The following XKR7 variants were observed in gnomAD, a reference collection of about 807,000 sequenced individuals.
XKR7 encodes XK related 7.
Under a neutral mutation model 42.2 loss-of-function variants are expected in XKR7, and 11 were observed. The observed-to-expected ratio is 0.26, with a 90% CI of 0.16 to 0.43. The LOEUF is 0.43. Ranked by LOEUF, XKR7 falls within the 20% of genes least tolerant of loss-of-function variation. The pLI is 1.00. For synonymous variants in XKR7, 346 were observed against 366.4 expected, an observed-to-expected ratio of 0.94 and a Z score of 0.64; for missense variants, 710 against 802.2, an observed-to-expected ratio of 0.89 and a Z score of 1.39.
intron 1 of XKR7, among the ~76,000 whole-genome samples, chr20:31,975,935 G>A (rs2064482694): frequency 6.6e-6 from 1 of 152,214 alleles, no homozygotes; most frequent in Admixed American, 6.5e-5. Flanking sequence ...AGACTGCGAG[G>A]ATGAAGAAGA....
At chr20:31,996,392 C>A in intron 2 of XKR7, 113 bp from the exon 3 acceptor site, 2 of 731,486 alleles carry the variant, frequency 2.7e-6, no homozygotes, top group Non-Finnish European at 4.2e-6. Flanking sequence ...CAGCTCCTTT[C>A]CTCACGCCTC....
At position 31,995,381 on chromosome 20, in the gene XKR7, C is replaced by T; in HGVS notation, c.787+111C>T. 2 of 1,495,894 alleles carry T rather than the reference C, an allele frequency of 1.3e-6. No homozygotes were observed. The highest frequency in any genetic ancestry group is 1.8e-6 in the Non-Finnish European group (2 of 1,129,248). The allele number at this position is 1,495,894 out of a possible 1,614,324, so 92.7% of individuals were successfully genotyped here. Reference sequence around the variant, plus strand: ...GGCTTCCCCACCCCAGCTCAGGGCTCACTCAGTCAGGGTTTAGGGAGGCCT... The same window carrying T: ...GGCTTCCCCACCCCAGCTCAGGGCTTACTCAGTCAGGGTTTAGGGAGGCCT... On this transcript the variant is annotated intron_variant, in intron 2 of 2. Transcript: ENST00000562532. This position sits in a 1 kb window ranked among gnomAD's most constrained non-coding sequence, Gnocchi z 4.1.
intron 1 of XKR7, among the ~76,000 whole-genome samples, chr20:31,986,027 GA>G (rs2064537864): frequency 7.0e-6 from 1 of 141,930 alleles, no homozygotes; most frequent in Non-Finnish European, 1.5e-5. Context: ...CAGACAGACA[GA>G]CAGACTACCA....
chr20:31,972,096 A>C (rs1357175711), intron 1 of XKR7, among the ~76,000 whole-genome samples: 1 of 152,248 alleles, frequency 6.6e-6, no homozygotes, highest in Non-Finnish European at 1.5e-5. Context: ...AGATTTTATT[A>C]CTAATTTAAA....
chr20:31,968,728 G>A lies in XKR7; in HGVS notation c.553G>A (p.Val185Ile), dbSNP rs904060966. ...RLCIWLLQTL[V>I]HLLQLGQVWR... The stretch of plus-strand genomic sequence containing the variant: ...CTGCATCTGGCTGCTGCAGACCCTC[G>A]TCCACCTCCTGCAGCTCGGCCAGGT... The change falls in exon 1 of 3, where the codon GTC becomes ATC. Residue 185 changes from valine (V) to isoleucine (I), a missense_variant. Around this residue, in one of 2 missense-constraint regions of XKR7, gnomAD observed 708 missense variants for 786.2 expected, o/e 0.90. Coordinates refer to ENST00000562532, the MANE Select transcript of XKR7 (RefSeq NM_001011718.2). This position sits in a 1 kb window ranked among gnomAD's most constrained non-coding sequence, Gnocchi z 4.5. 1.9e-6 allele frequency: 3 copies of A among 1,551,200 alleles called. No homozygotes were observed. Among genetic ancestry groups the A allele is most frequent in the African/African-American group, 2.7e-5 (2 of 73,900 alleles).
chr20:31,992,059 G>C (rs1381181741), intron 1 of XKR7, among the ~76,000 whole-genome samples: 1 of 152,062 alleles, frequency 6.6e-6, no homozygotes, highest in Non-Finnish European at 1.5e-5. Flanking sequence ...GGAGGTTGTG[G>C]TGAGCCGAGA....
chr20:31,968,457 G>C lies in XKR7; in HGVS notation c.282G>C (p.Leu94Phe). ...AACACACCTACTTCAGCCTCACCTT[G>C]CTGTTCGTGCTCCTGCCCTCGCTGG... ...QNQHTYFSLT[L>F]LFVLLPSLVV... is the part of the protein sequence containing the mutation. Residue 94 changes from leucine (L) to phenylalanine (F), a missense_variant, in exon 1 of 3, where the codon TTG becomes TTC. By Grantham distance (22) the Leu-to-Phe change is conservative. Coordinates refer to ENST00000562532, the MANE Select transcript of XKR7 (RefSeq NM_001011718.2). This position sits in a 1 kb window ranked among gnomAD's most constrained non-coding sequence, Gnocchi z 4.5. 1.2e-6 allele frequency: 2 copies of C among 1,614,002 alleles called. No homozygotes were observed. The highest frequency in any genetic ancestry group is 1.7e-6 in the Non-Finnish European group (2 of 1,179,926).
At chr20:31,985,052 A>G (rs928960928) in intron 1 of XKR7, among the ~76,000 whole-genome samples, 1 of 152,210 alleles carries the variant, frequency 6.6e-6, no homozygotes, top group Non-Finnish European at 1.5e-5. Context: ...GGGACTCAGT[A>G]AGTGTGAGCT....
At chr20:31,977,744 A>G (rs1021948778) in intron 1 of XKR7, among the ~76,000 whole-genome samples, 1 of 152,170 alleles carries the variant, frequency 6.6e-6, no homozygotes, top group African/African-American at 2.4e-5. Flanking sequence ...AGATACTGTG[A>G]GGGCAGATGC....
rs2064602672 is a variant in XKR7 at position 31,997,748 on chromosome 20, C to T, written c.*291C>T. 1 of 412,156 alleles carries T rather than the reference C, an allele frequency of 2.4e-6. No homozygotes were observed. Among genetic ancestry groups the T allele is most frequent in the Admixed American group, 4.2e-5 (1 of 24,002 alleles). 25.5% of individuals were successfully genotyped at this position (412,156 alleles called of 1,614,324 possible). On this transcript the variant is annotated 3_prime_UTR_variant, in exon 3 of 3. Transcript: ENST00000562532. ...CTGCCCTGCTTTCATGGGGCCTCCA[C>T]ACCTCTCCCCTGCCTGGCGTTGCCC...
At chr20:31,985,910 C>G (rs1249199713) in intron 1 of XKR7, among the ~76,000 whole-genome samples, 1 of 138,486 alleles carries the variant, frequency 7.2e-6, no homozygotes, top group Admixed American at 7.3e-5. Context: ...ACCAAGCAGA[C>G]CCAGCATCCA....
intron 1 of XKR7, among the ~76,000 whole-genome samples, chr20:31,988,658 G>T (rs1223615153): frequency 6.6e-6 from 1 of 152,196 alleles, no homozygotes; most frequent in Non-Finnish European, 1.5e-5. Flanking sequence ...AGCAGAAGTT[G>T]CGTGTTAGGT....
At chr20:31,991,245 C>T (rs1005681863) in intron 1 of XKR7, among the ~76,000 whole-genome samples, 1 of 152,198 alleles carries the variant, frequency 6.6e-6, no homozygotes, top group African/African-American at 2.4e-5. Context: ...CCCCAACTCC[C>T]CAGGCCCCTT....
chr20:31,996,481 C>T (rs748354558), intron 2 of XKR7, 24 bp from the exon 3 acceptor site: 3 of 806,668 alleles, frequency 3.7e-6, no homozygotes, highest in Middle Eastern at 3.6e-4. Context: ...CCCAGCCCAC[C>T]CCGCCCCTGC....
At chr20:31,996,142 C>T (rs1393564269) in intron 2 of XKR7, among the ~76,000 whole-genome samples, 1 of 151,862 alleles carries the variant, frequency 6.6e-6, no homozygotes, top group African/African-American at 2.4e-5. Context: ...ATCATGACCT[C>T]CTCTTCACCT....
intron 1 of XKR7, among the ~76,000 whole-genome samples, chr20:31,993,111 C>CACACACAT (rs144007726): frequency 0.078 from 11,795 of 150,482 alleles, 506 homozygotes; most frequent in African/African-American, 0.1. Flanking sequence ...CACACACACA[C>CACACACAT]ACACATACAC....
chr20:31,985,659 G>A (rs1284289072), intron 1 of XKR7, among the ~76,000 whole-genome samples: 12 of 142,722 alleles, frequency 8.4e-5, no homozygotes, highest in South Asian at 6.7e-4. Flanking sequence ...CAGCATCCAA[G>A]ACACAGACAG....
intron 1 of XKR7, among the ~76,000 whole-genome samples, chr20:31,983,276 C>T (rs1454544402): frequency 6.6e-6 from 1 of 152,130 alleles, no homozygotes; most frequent in Non-Finnish European, 1.5e-5. Context: ...AGGGGAAAGA[C>T]AGGCAATAAA....
chr20:31,996,861 C>T lies in XKR7; in HGVS notation c.1144C>T (p.Arg382Cys), dbSNP rs1261310500. 5 of 1,613,664 alleles carry T rather than the reference C, an allele frequency of 3.1e-6. No homozygotes were observed. The highest frequency in any genetic ancestry group is 2.2e-5 in the South Asian group (2 of 91,092). ...WFNVKEGRSR[R>C]RMTLYHCIVL... ...CAACGTCAAGGAGGGCCGCAGCCGC[C>T]GCCGCATGACCCTCTACCACTGCAT... is the stretch of plus-strand genomic sequence containing the variant. The change falls in exon 3 of 3, where the codon CGC becomes TGC. Residue 382 changes from arginine (R) to cysteine (C), a missense_variant. Physicochemically the swap from Arg to Cys is radical, Grantham distance 180. Coordinates refer to ENST00000562532, the MANE Select transcript of XKR7 (RefSeq NM_001011718.2).
Sources: gnomAD v4.1 joint callset for allele counts (sites outside exome capture counted in the v4.1 genomes callset) on GRCh38, gnomAD v4.1.1 for gene constraint, gnomAD v4.1.1 regional missense constraint, Gnocchi (gnomAD v3.1) non-coding constraint, MANE v1.5 for transcripts, NCBI Gene and HGNC (gene_info 2026-07-23, HGNC 2026-07-21) for gene names.